ERGIC1: variants seen among roughly 807,000 people sequenced by gnomAD.
ERGIC1 encodes the protein endoplasmic reticulum-golgi intermediate compartment 1.
In ERGIC1, 19 loss-of-function variants were observed where a neutral mutation model predicts 38.3. The observed-to-expected ratio is 0.50, with a 90% CI of 0.35 to 0.73. The LOEUF (loss-of-function observed/expected upper bound fraction) is 0.73. Ranked by LOEUF, ERGIC1 falls within the 30% of genes least tolerant of loss-of-function variation. The probability of loss-of-function intolerance (pLI) is 0.01; values close to 1 mark genes in which losing one functional copy is unlikely to be tolerated. For synonymous variants in ERGIC1, 124 were observed against 157.6 expected (o/e 0.79, Z 1.60); for missense variants, 294 against 389.2 (o/e 0.76, Z 2.06).
At position 172,834,398 on chromosome 5, in the gene ERGIC1, C is replaced by T. The variant is rs1386606978; in HGVS notation, c.-16C>T. On this transcript the variant is annotated 5_prime_UTR_variant, in exon 1 of 10. Coordinates refer to ENST00000393784, the MANE Select transcript of ERGIC1 (RefSeq NM_001031711.3). This position sits in a 1 kb window ranked among gnomAD's most constrained non-coding sequence, Gnocchi z 4.1. Reference sequence around the variant, plus strand: ...CCCGCCTGGCCTGCAGCGCTCCCACCCCCGGCGGCGGCACGATGCCCTTTG... The same window carrying T: ...CCCGCCTGGCCTGCAGCGCTCCCACTCCCGGCGGCGGCACGATGCCCTTTG... The T allele has an allele frequency of 1.5e-6, 2 of 1,324,868 alleles. No individual in the cohort carries two copies. Among genetic ancestry groups the T allele is most frequent in the African/African-American group, 1.5e-5 (1 of 65,490 alleles). 82.1% of individuals were successfully genotyped at this position (1,324,868 alleles called of 1,614,324 possible). A position where few individuals can be genotyped will look rare whatever the true frequency, so the allele number is the denominator to read the frequency against.
At chr5:172,859,175 G>A (rs554771787) in intron 1 of ERGIC1, among the ~76,000 whole-genome samples, 3 of 152,052 alleles carry the variant, frequency 2.0e-5, no homozygotes, top group African/African-American at 4.8e-5. Flanking sequence ...GTCCCCTTAC[G>A]TGCACATTTT....
chr5:172,908,307 G>C (rs767077204), intron 3 of ERGIC1, among the ~76,000 whole-genome samples: 12 of 2,304 alleles, frequency 5.2e-3, no homozygotes, highest in Non-Finnish European at 0.034. Context: ...AGGCGGGGGC[G>C]GGGGGGGGGG....
chr5:172,889,020 C>T (rs1431081538), intron 2 of ERGIC1, among the ~76,000 whole-genome samples: 5 of 152,192 alleles, frequency 3.3e-5, no homozygotes, highest in African/African-American at 1.2e-4. Flanking sequence ...CGCGGTGGCT[C>T]ACGCCTGTAA....
chr5:172,903,087 C>T (rs986372675), intron 3 of ERGIC1, among the ~76,000 whole-genome samples: 23 of 152,234 alleles, frequency 1.5e-4, no homozygotes, highest in African/African-American at 5.5e-4. Flanking sequence ...TGGCGTCCCC[C>T]ACCTGGAATG....
chr5:172,860,597 C>T (rs755021181), intron 1 of ERGIC1, among the ~76,000 whole-genome samples: 3 of 152,140 alleles, frequency 2.0e-5, no homozygotes, highest in Non-Finnish European at 4.4e-5. Flanking sequence ...GAGCTGTGAC[C>T]GTGAAAGAAA....
chr5:172,902,437 TAGG>T (rs1762907368), intron 3 of ERGIC1, among the ~76,000 whole-genome samples: 1 of 152,160 alleles, frequency 6.6e-6, no homozygotes, highest in Non-Finnish European at 1.5e-5. Flanking sequence ...CTCTTAGCAA[TAGG>T]AGGCCTGAGG....
chr5:172,927,029 A>C, intron 7 of ERGIC1: 2 of 179,046 alleles, frequency 1.1e-5, no homozygotes, highest in East Asian at 1.6e-4. Flanking sequence ...GACTCCTCCC[A>C]TCGATAGTGG....
intron 2 of ERGIC1, among the ~76,000 whole-genome samples, chr5:172,893,313 AATT>A (rs1762615238): frequency 6.6e-6 from 1 of 151,978 alleles, no homozygotes; most frequent in Non-Finnish European, 1.5e-5. Flanking sequence ...GCACCTGGCT[AATT>A]TTTGTATTTT....
rs1227297669 is a variant in ERGIC1 at position 172,835,394 on chromosome 5, T to C, written c.20+961T>C. Among the ~76,000 whole-genome samples, 7 of 152,148 alleles carry C rather than the reference T, an allele frequency of 4.6e-5. No individual in the cohort carries two copies. In the East Asian group the frequency reaches 1.4e-3, roughly 29 times the overall value. On this transcript the variant is annotated intron_variant, in intron 1 of 9. Coordinates refer to ENST00000393784, the MANE Select transcript of ERGIC1 (RefSeq NM_001031711.3). ...CTCGGCTGGCTGACCTCAGCAAGTC[T>C]CCGAGCGCCCTCAGTTTCACCACCT...
At position 172,951,115 on chromosome 5, in the gene ERGIC1, T is replaced by C; in HGVS notation, c.*299T>C. 1 of 271,798 alleles carries C rather than the reference T, an allele frequency of 3.7e-6. No individual in the cohort carries two copies. The allele number at this position is 271,798 out of a possible 1,614,324, so 16.8% of individuals were successfully genotyped here. Reference sequence around the variant, plus strand: ...TCTTGGGGACCCCTCCTAGGAGAGCTGCAGTCTCTTCCCTCAGGGGAACAT... The same window carrying C: ...TCTTGGGGACCCCTCCTAGGAGAGCCGCAGTCTCTTCCCTCAGGGGAACAT... On this transcript the variant is annotated 3_prime_UTR_variant, in exon 10 of 10. Coordinates refer to ENST00000393784, the MANE Select transcript of ERGIC1 (RefSeq NM_001031711.3).
intron 9 of ERGIC1, among the ~76,000 whole-genome samples, chr5:172,946,443 C>T (rs1010703250): frequency 3.9e-5 from 6 of 152,228 alleles, no homozygotes; most frequent in African/African-American, 1.4e-4. Flanking sequence ...AGAATATCTG[C>T]TGTTGGATCC....
At chr5:172,930,696 C>G (rs1222361885) in intron 7 of ERGIC1, among the ~76,000 whole-genome samples, 3 of 152,132 alleles carry the variant, frequency 2.0e-5, no homozygotes, top group African/African-American at 7.2e-5. Context: ...AAGGCATTCA[C>G]TTTTTCATTC....
At chr5:172,863,598 G>A (rs1383651509) in intron 1 of ERGIC1, among the ~76,000 whole-genome samples, 1 of 152,080 alleles carries the variant, frequency 6.6e-6, no homozygotes, top group Non-Finnish European at 1.5e-5. Flanking sequence ...ATTTTTGTTG[G>A]TCCGGATCTG....
chr5:172,930,044 C>G (rs910453859), intron 7 of ERGIC1, among the ~76,000 whole-genome samples: 1 of 151,876 alleles, frequency 6.6e-6, no homozygotes, highest in African/African-American at 2.4e-5. Context: ...AAAAATTAGC[C>G]AGGCGTGGTG....
At chr5:172,937,902 G>C (rs1025894066) in intron 9 of ERGIC1, 1 of 151,998 alleles carries the variant, frequency 6.6e-6, no homozygotes, top group Non-Finnish European at 1.5e-5. Context: ...GGAGGCTGAG[G>C]TGGGAGAATT....
At chr5:172,866,461 G>A (rs1761865976) in intron 1 of ERGIC1, among the ~76,000 whole-genome samples, 1 of 152,218 alleles carries the variant, frequency 6.6e-6, no homozygotes, top group African/African-American at 2.4e-5. Flanking sequence ...TTGTGGGGGA[G>A]AAGGAGCTTC....
At chr5:172,859,537 T>C (rs1307437736) in intron 1 of ERGIC1, among the ~76,000 whole-genome samples, 3 of 152,192 alleles carry the variant, frequency 2.0e-5, no homozygotes, top group Non-Finnish European at 4.4e-5. Context: ...GCCTTTGAAG[T>C]GTGGCTGCTC....
At chr5:172,858,753 G>T (rs1157681815) in intron 1 of ERGIC1, among the ~76,000 whole-genome samples, 1 of 152,202 alleles carries the variant, frequency 6.6e-6, no homozygotes, top group Non-Finnish European at 1.5e-5. Context: ...CATGGGTGGG[G>T]GTCCGCTGTT....
At chr5:172,940,461 C>T (rs1313951296) in intron 9 of ERGIC1, among the ~76,000 whole-genome samples, 2 of 152,168 alleles carry the variant, frequency 1.3e-5, no homozygotes, top group Non-Finnish European at 1.5e-5. Flanking sequence ...TGCTGTAGCT[C>T]CCTTTTTGAG....
Sources: gnomAD v4.1 joint callset for allele counts (sites outside exome capture counted in the v4.1 genomes callset) on GRCh38, gnomAD v4.1.1 for gene constraint, Gnocchi (gnomAD v3.1) non-coding constraint, MANE v1.5 for transcripts, NCBI Gene and HGNC (gene_info 2026-07-23, HGNC 2026-07-21) for gene names.